Variants in ZNF544 observed in about 807,000 individuals in gnomAD.
ZNF544 encodes zinc finger protein 544, also known as zinc finger protein AF020591.
ZNF544 carries 10 observed loss-of-function variants against 13.5 expected under a neutral mutation model. The ratio of observed to expected loss-of-function variants is 0.74; its 90% CI spans 0.46 to 1.25. ZNF544 has a LOEUF of 1.25. ZNF544 is among the 50% of genes most tolerant of loss of function. The pLI is 0.00. For missense variants in ZNF544, 896 were observed against 845.6 expected (o/e 1.06, Z -0.74); for synonymous variants, 323 against 300.5 (o/e 1.07, Z -0.77).
chr19:58,262,895 C>A lies in ZNF544; in HGVS notation c.*141C>A. ...ACTCATTGAACATCAGAGGACATAT[C>A]CTGGAGAAAAGCCCTACGAATGCAT... is the stretch of plus-strand genomic sequence containing the variant. On this transcript the variant is annotated 3_prime_UTR_variant, in exon 7 of 7. Transcript: ENST00000687789. 1.4e-6 allele frequency: 2 copies of A among 1,467,336 alleles called. No homozygotes were observed. The highest frequency in any genetic ancestry group is 9.0e-7 in the Non-Finnish European group (1 of 1,114,670). The allele number at this position is 1,467,336 out of a possible 1,614,324, so 90.9% of individuals were successfully genotyped here. A position where few individuals can be genotyped will look rare whatever the true frequency, so the allele number is the denominator to read the frequency against.
intron 6 of ZNF544, among the ~76,000 whole-genome samples, chr19:58,254,315 T>C (rs563621454): frequency 1.3e-5 from 2 of 152,234 alleles, no homozygotes; most frequent in South Asian, 4.1e-4. Flanking sequence ...TTCCAAACAA[T>C]GTTGGGGCCA....
chr19:58,274,065 A>T (rs1455681921), intron 5 of ZNF544, among the ~76,000 whole-genome samples: 1 of 152,138 alleles, frequency 6.6e-6, no homozygotes, highest in Non-Finnish European at 1.5e-5. Context: ...AAGTGCTGGG[A>T]TTACAAGTGT....
Position 58,261,777 on chromosome 19 carries a change from CA to C in ZNF544, c.1172del (p.Gln391ArgfsTer89), listed in dbSNP as rs753658496. 5.6e-6 allele frequency: 9 copies of C among 1,613,958 alleles called. No homozygotes were observed. The highest frequency in any genetic ancestry group is 7.6e-6 in the Non-Finnish European group (9 of 1,180,026). On this transcript the variant is annotated frameshift_variant, in exon 7 of 7. Coordinates refer to ENST00000687789, the MANE Select transcript of ZNF544 (RefSeq NM_014480.4). LOFTEE classifies it low-confidence loss of function (END_TRUNC). ...ECTQCGKSFS[Q>X]SYDLVIHQRT... Reference sequence around the variant, plus strand: ...TACTCAGTGTGGGAAATCTTTTAGCCAGAGCTATGACCTTGTCATACATCAG... The same window carrying C: ...TACTCAGTGTGGGAAATCTTTTAGCCGAGCTATGACCTTGTCATACATCAG...
chr19:58,249,462 C>G (rs1030355847), intron 6 of ZNF544, among the ~76,000 whole-genome samples: 5 of 152,090 alleles, frequency 3.3e-5, no homozygotes, highest in Admixed American at 2.0e-4. Context: ...CTCTAGGTGA[C>G]AGGAAATGAA....
At chr19:58,248,028 C>T (rs1301193045) in intron 6 of ZNF544, among the ~76,000 whole-genome samples, 1 of 152,062 alleles carries the variant, frequency 6.6e-6, no homozygotes, top group East Asian at 1.9e-4. Context: ...ATTTTCCTGC[C>T]TCAACCTCCC....
intron 6 of ZNF544, chr19:58,259,121 C>T (rs1292472596): frequency 2.6e-5 from 4 of 152,376 alleles, no homozygotes; most frequent in South Asian, 4.1e-4. Flanking sequence ...AAATGAACCT[C>T]TAAGAGGCTA....
Position 58,261,585 on chromosome 19 carries a change from A to G in ZNF544, c.979A>G (p.Arg327Gly). 6.2e-7 allele frequency: 1 copy of G among 1,614,204 alleles called. No homozygotes were observed. Among genetic ancestry groups the G allele is most frequent in the Non-Finnish European group, 8.5e-7 (1 of 1,180,034 alleles). ...AAGTGGCCCTGGAGAGACCCCCTTC[A>G]GATGTGAGGAACGCTGTGCTGCCTT... ...ERSGPGETPF[R>G]CEERCAAFPM... Residue 327 changes from arginine (R) to glycine (G), a missense_variant, in exon 7 of 7, where the codon AGA (arginine) becomes GGA (glycine). Transcript: ENST00000687789.
chr19:58,240,041 G>C (rs1237036052), intron 3 of ZNF544, among the ~76,000 whole-genome samples: 1 of 152,178 alleles, frequency 6.6e-6, no homozygotes, highest in Non-Finnish European at 1.5e-5. Flanking sequence ...ATGTGGACCA[G>C]GAAGCTCACC....
intron 6 of ZNF544, among the ~76,000 whole-genome samples, chr19:58,247,767 A>G (rs972578875): frequency 3.3e-5 from 5 of 151,988 alleles, no homozygotes; most frequent in Non-Finnish European, 7.4e-5. Context: ...TATTTTTTAG[A>G]GCAGTTTTAG....
At chr19:58,247,306 G>C (rs1299176152) in intron 6 of ZNF544, 1 of 153,772 alleles carries the variant, frequency 6.5e-6, no homozygotes, top group East Asian at 1.9e-4. Context: ...TTGTTGCCCA[G>C]ACTGGAGTGC....
chr19:58,255,425 C>T (rs998834965), intron 6 of ZNF544, among the ~76,000 whole-genome samples: 52 of 152,150 alleles, frequency 3.4e-4, no homozygotes, highest in Non-Finnish European at 1.2e-4. Context: ...GTGATCCACC[C>T]GCCTTGGCCT....
intron 3 of ZNF544, among the ~76,000 whole-genome samples, chr19:58,237,996 G>A (rs1439378907): frequency 2.6e-5 from 4 of 152,304 alleles, no homozygotes; most frequent in African/African-American, 9.6e-5. Context: ...GCAATGGCAC[G>A]ATCTCAGCTC....
At position 58,261,495 on chromosome 19, in the gene ZNF544, CAGTATG is replaced by C; in HGVS notation, c.893_898del (p.Tyr298_Glu299del). The C allele has an allele frequency of 6.2e-7, 1 of 1,614,146 alleles. No individual in the cohort carries two copies. Among genetic ancestry groups the C allele is most frequent in the Non-Finnish European group, 8.5e-7 (1 of 1,180,030 alleles). Reference sequence around the variant, plus strand: ...GAAGCCAGTGCATTTTGGGAAAAGTCAGTATGAGTGTGATGAGTGCAGGGAAACCTG... The same window carrying C: ...GAAGCCAGTGCATTTTGGGAAAAGTCAGTGTGATGAGTGCAGGGAAACCTG... On this transcript the variant is annotated inframe_deletion, in exon 7 of 7. Transcript: ENST00000687789.
Position 58,246,345 on chromosome 19 carries a change from G to A in ZNF544, c.78G>A (p.Glu26=), listed in dbSNP as rs61732962. 2.0e-3 allele frequency: 3,173 copies of A among 1,614,134 alleles called. 58 individuals are homozygous for A. In the African/African-American group the frequency reaches 0.036, roughly 18 times the overall value. Residue 26 remains glutamate, a synonymous_variant, in exon 5 of 7, where the codon GAG becomes GAA. Transcript: ENST00000687789. ...ATGTGGCTATGGCATTCACACAGGA[G>A]GAGTGGGAACAGCTGGACCTGGCCC... The part of the protein sequence containing the change: ...FEDVAMAFTQ[E]EWEQLDLAQR...
chr19:58,254,745 C>G (rs2046898646), intron 6 of ZNF544, among the ~76,000 whole-genome samples: 1 of 152,184 alleles, frequency 6.6e-6, no homozygotes, highest in Non-Finnish European at 1.5e-5. Context: ...GCATTCCTCA[C>G]AGGACTAAGG....
chr19:58,258,036 T>A (rs779050590), intron 6 of ZNF544: 1 of 152,348 alleles, frequency 6.6e-6, no homozygotes, highest in Non-Finnish European at 1.5e-5. Flanking sequence ...CTGCACACCA[T>A]ACCTCAGTCA....
chr19:58,246,368 C>T lies in ZNF544; in HGVS notation c.101C>T (p.Ala34Val), dbSNP rs1488045185. ...TQEEWEQLDL[A>V]QRTLYREVTL... ...GAGGAGTGGGAACAGCTGGACCTGGCCCAGAGGACACTGTACCGAGAGGTG... is the reference window on the plus strand; with the variant it reads ...GAGGAGTGGGAACAGCTGGACCTGGTCCAGAGGACACTGTACCGAGAGGTG... Residue 34 changes from alanine to valine, a missense_variant, in exon 5 of 7, where the codon GCC becomes GTC. Coordinates refer to ENST00000687789, the MANE Select transcript of ZNF544 (RefSeq NM_014480.4). 7 of 1,614,022 alleles carry T rather than the reference C, an allele frequency of 4.3e-6. No individual in the cohort carries two copies. The highest frequency in any genetic ancestry group is 5.9e-6 in the Non-Finnish European group (7 of 1,180,010).
chr19:58,266,776 G>C (rs1199156944), downstream of ZNF544: 1 of 152,132 alleles, frequency 6.6e-6, no homozygotes, highest in African/African-American at 2.4e-5. Flanking sequence ...AAGGAGTCAT[G>C]TGCTAAAAGA....
chr19:58,259,139 G>A (rs1666375304), intron 6 of ZNF544: 1 of 152,274 alleles, frequency 6.6e-6, no homozygotes, highest in Non-Finnish European at 1.5e-5. Flanking sequence ...CTAAGGACCT[G>A]TCTGAAGTGG....
Sources: gnomAD v4.1 joint callset for allele counts (sites outside exome capture counted in the v4.1 genomes callset) on GRCh38, gnomAD v4.1.1 for gene constraint, MANE v1.5 for transcripts, NCBI Gene and HGNC (gene_info 2026-07-23, HGNC 2026-07-21) for gene names.